Variants in VSX2 observed in about 807,000 individuals in gnomAD.
VSX2 encodes ceh-10 homeo domain containing homolog.
In VSX2, 28 loss-of-function variants were observed where a neutral mutation model predicts 32.1. The ratio of observed to expected loss-of-function variants is 0.87; its 90% confidence interval spans 0.65 to 1.20. VSX2 has a LOEUF of 1.20. Among genes scored for constraint, VSX2 ranks in the 50% most tolerant of loss-of-function variants. The pLI is 0.00. For synonymous variants in VSX2, 243 were observed against 214.1 expected (o/e 1.14, Z -1.18); for missense variants, 506 against 488.7 (o/e 1.04, Z -0.33).
At chr14:74,241,920 TC>T (rs1468627698) in intron 2 of VSX2, among the ~76,000 whole-genome samples, 6 of 152,192 alleles carry the variant, frequency 3.9e-5, no homozygotes, top group Non-Finnish European at 7.3e-5. Context: ...GTGGACTGCA[TC>T]GGGGTACAGA....
chr14:74,244,900 G>GAGAGAAAGAGAGAGAGAA (rs2079174583), intron 2 of VSX2, among the ~76,000 whole-genome samples: 4 of 70,880 alleles, frequency 5.6e-5, no homozygotes, highest in Non-Finnish European at 1.5e-4. Flanking sequence ...GTGTGTGTGT[G>GAGAGAAAGAGAGAGAGAA]TGTGTGTGTG....
rs1484068272 is a variant in VSX2 at position 74,239,698 on chromosome 14, G to T, written c.137G>T (p.Ser46Ile). ...EILGLNKEPP[S>I]SHPRAALDGL... ...CTGGGCTTGAACAAGGAGCCCCCGA[G>T]CTCCCACCCGCGGGCAGCGCTCGAC... Residue 46 changes from serine (S) to isoleucine (I), a missense_variant, in exon 1 of 5, where the codon AGC (serine) becomes ATC (isoleucine). By Grantham distance (142) the Ser-to-Ile change is moderately radical (BLOSUM62 -2). Coordinates refer to ENST00000261980, the MANE Select transcript of VSX2 (RefSeq NM_182894.3). 4 of 1,549,718 alleles carry T rather than the reference G, an allele frequency of 2.6e-6. No homozygotes were observed. The highest frequency in any genetic ancestry group is 2.0e-5 in the Admixed American group (1 of 50,982).
chr14:74,246,512 T>A lies in VSX2; in HGVS notation c.579+1224T>A, dbSNP rs192414048. ...AGCTCAATTATTCATAAGCAGATTA[T>A]GTTTGGTGCATTATCCATGGGGGCC... On this transcript the variant is annotated intron_variant, in intron 3 of 4. Transcript: ENST00000261980. 8.5e-5 allele frequency among the ~76,000 whole-genome samples: 13 copies of A among 152,376 alleles called. No individual in the cohort carries two copies. In the East Asian group the frequency reaches 2.1e-3, roughly 25 times the overall value.
intron 3 of VSX2, among the ~76,000 whole-genome samples, chr14:74,257,785 G>A (rs1283594998): frequency 6.6e-6 from 1 of 151,110 alleles, no homozygotes; most frequent in African/African-American, 2.4e-5. Flanking sequence ...AGCTGTCAGC[G>A]GCGCGATGTT....
Position 74,239,490 on chromosome 14 carries a change from A to C in VSX2, c.-72A>C, listed in dbSNP as rs1655304490. ...GGGGGCACCTGGGACCAACTTCGCG[A>C]AGCGGGAAGCCCGGCGGGGGGGTGG... is the stretch of plus-strand genomic sequence containing the variant. On this transcript the variant is annotated 5_prime_UTR_variant, in exon 1 of 5. Coordinates refer to ENST00000261980, the MANE Select transcript of VSX2 (RefSeq NM_182894.3). 2 of 1,546,644 alleles carry C rather than the reference A, an allele frequency of 1.3e-6. No individual in the cohort carries two copies. Among genetic ancestry groups the C allele is most frequent in the African/African-American group, 2.7e-5 (2 of 72,924 alleles).
At chr14:74,259,930 C>T (rs533360241) in intron 4 of VSX2, 148 bp downstream of exon 4, 2 of 895,640 alleles carry the variant, frequency 2.2e-6, no homozygotes, top group Admixed American at 5.8e-5. Flanking sequence ...CTTGGTCTAT[C>T]CTGGGGGACT....
chr14:74,243,477 G>T (rs1304434552), intron 2 of VSX2, among the ~76,000 whole-genome samples: 1 of 152,140 alleles, frequency 6.6e-6, no homozygotes, highest in Non-Finnish European at 1.5e-5. Context: ...GCTCTCCGAA[G>T]TAGGGACTGA....
At position 74,259,621 on chromosome 14, in the gene VSX2, G is replaced by C. The variant is rs121912543; in HGVS notation, c.599G>C (p.Arg200Pro). 7 of 1,614,142 alleles carry C rather than the reference G, an allele frequency of 4.3e-6. No individual in the cohort carries two copies. The Middle Eastern group carries it at 1.2e-3, about 266-fold the overall frequency. ...CTGCAGGTCTGGTTCCAGAACCGTC[G>C]AGCCAAGTGGAGGAAGCGGGAGAAG... is the stretch of plus-strand genomic sequence containing the variant. ...DRIQVWFQNR[R>P]AKWRKREKCW... The change falls in exon 4 of 5, where the codon CGA becomes CCA. Residue 200 changes from arginine (R) to proline (P), a missense_variant. Coordinates refer to ENST00000261980, the MANE Select transcript of VSX2 (RefSeq NM_182894.3).
intron 3 of VSX2, among the ~76,000 whole-genome samples, chr14:74,250,902 C>T (rs370530251): frequency 2.6e-5 from 4 of 151,738 alleles, no homozygotes; most frequent in African/African-American, 9.7e-5. Flanking sequence ...CCGCCTCGGC[C>T]TCCCAAAATG....
At chr14:74,242,318 C>A (rs2079155552) in intron 2 of VSX2, among the ~76,000 whole-genome samples, 1 of 152,264 alleles carries the variant, frequency 6.6e-6, no homozygotes, top group African/African-American at 2.4e-5. Flanking sequence ...GGCACCCCCG[C>A]CGCCACATCG....
intron 4 of VSX2, among the ~76,000 whole-genome samples, chr14:74,259,999 T>C (rs2079293855): frequency 6.6e-6 from 1 of 152,166 alleles, no homozygotes; most frequent in East Asian, 1.9e-4. Flanking sequence ...CCAAGAACTC[T>C]CATCATGAAC....
At chr14:74,239,987 C>G in intron 1 of VSX2, 56 bp downstream of exon 1, 1 of 1,535,936 alleles carries the variant, frequency 6.5e-7, no homozygotes, top group East Asian at 2.5e-5. Flanking sequence ...CCGGGAGCCC[C>G]GCGCCGTCGG....
At chr14:74,244,965 T>TGAGAGAGAGAGAGAGAGAAA (rs1566884569) in intron 2 of VSX2, among the ~76,000 whole-genome samples, 200 bp from the exon 3 acceptor site, 1 of 102,150 alleles carries the variant, frequency 9.8e-6, no homozygotes, top group African/African-American at 4.1e-5. Flanking sequence ...TGTGTGTGTG[T>TGAGAGAGAGAGAGAGAGAAA]GTGTGTGTGT....
In VSX2 at chr14:74,239,896, C is replaced by T. The variant is rs2079137855; in HGVS notation, c.335C>T (p.Ser112Leu). 6.4e-7 allele frequency: 1 copy of T among 1,572,110 alleles called. No individual in the cohort carries two copies. Among genetic ancestry groups the T allele is most frequent in the Non-Finnish European group, 8.6e-7 (1 of 1,159,648 alleles). Residue 112 changes from serine (S) to leucine (L), a missense_variant, in exon 1 of 5, where the codon TCG (serine) becomes TTG (leucine). By Grantham distance (145) the Ser-to-Leu change is moderately radical. Transcript: ENST00000261980. ...CACTTGCAGCCATTGGGCAGAGCAT[C>T]GGGGCCGCTGGACACCAGCCAGACG... ...SVHLQPLGRA[S>L]GPLDTSQTAS...
intron 3 of VSX2, among the ~76,000 whole-genome samples, chr14:74,255,413 G>A (rs1168466829): frequency 6.6e-6 from 1 of 152,172 alleles, no homozygotes; most frequent in Non-Finnish European, 1.5e-5. Context: ...AGCAGCATCT[G>A]GTCTTCACAG....
At chr14:74,248,266 C>CTGTA (rs2139636891) in intron 3 of VSX2, among the ~76,000 whole-genome samples, 1 of 145,900 alleles carries the variant, frequency 6.9e-6, no homozygotes, top group East Asian at 2.2e-4. Context: ...TGGCTCAGGC[C>CTGTA]TGTAATCCTA....
chr14:74,252,234 C>A (rs1018067711), intron 3 of VSX2, among the ~76,000 whole-genome samples: 1 of 152,210 alleles, frequency 6.6e-6, no homozygotes, highest in Non-Finnish European at 1.5e-5. Context: ...GGTTTCCTGG[C>A]CTGCTAGCTG....
At chr14:74,242,237 C>G (rs1256192036) in intron 2 of VSX2, among the ~76,000 whole-genome samples, 1 of 152,168 alleles carries the variant, frequency 6.6e-6, no homozygotes, top group Non-Finnish European at 1.5e-5. Context: ...GCACCCCACT[C>G]CGTCCCCATC....
chr14:74,239,974 C>A, intron 1 of VSX2, 43 bp downstream of exon 1: 2 of 1,541,192 alleles, frequency 1.3e-6, no homozygotes, highest in Non-Finnish European at 1.8e-6. Context: ...TGGGGGGCGA[C>A]AGCCGGGAGC....
Sources: gnomAD v4.1 joint callset for allele counts (sites outside exome capture counted in the v4.1 genomes callset) on GRCh38, gnomAD v4.1.1 for gene constraint, MANE v1.5 for transcripts, NCBI Gene and HGNC (gene_info 2026-07-23, HGNC 2026-07-21) for gene names.